The following ANO1 variants were observed in gnomAD, a reference collection of about 807,000 sequenced individuals.
ANO1 encodes anoctamin-1.
In ANO1, 59 loss-of-function variants were observed where a neutral mutation model predicts 124.0. That is an observed-to-expected ratio of 0.48 (90% CI 0.39 to 0.59). The LOEUF is 0.59. ANO1 is among the 20% of genes least tolerant of loss of function. The pLI, the probability that ANO1 is intolerant of heterozygous loss-of-function variation, is 0.00. For missense variants in ANO1, 1,059 were observed against 1,328.0 expected (o/e 0.80, Z 3.15); for synonymous variants, 529 against 532.0 (o/e 0.99, Z 0.08).
intron 20 of ANO1, among the ~76,000 whole-genome samples, chr11:70,166,407 C>G (rs1469535751): frequency 6.6e-6 from 1 of 152,242 alleles, no homozygotes; most frequent in Non-Finnish European, 1.5e-5. Flanking sequence ...TGACACCCCA[C>G]TCCCCATGCT....
At chr11:70,157,850 C>T (rs2047879623) in intron 16 of ANO1, among the ~76,000 whole-genome samples, 1 of 151,778 alleles carries the variant, frequency 6.6e-6, no homozygotes, top group Non-Finnish European at 1.5e-5. Flanking sequence ...CGTGGTCGTG[C>T]GCGCCTGTGG....
chr11:70,062,996 C>A (rs1475003346), intron 1 of ANO1, among the ~76,000 whole-genome samples: 9 of 152,132 alleles, frequency 5.9e-5, no homozygotes, highest in Non-Finnish European at 1.2e-4. Context: ...GTGGTGCAAT[C>A]TCGGCTCACT....
the ANO1 span, among the ~76,000 whole-genome samples, chr11:69,976,525 A>T: frequency 4.7e-5 from 1 of 21,404 alleles, no homozygotes; most frequent in Non-Finnish European, 1.4e-4. Flanking sequence ...AAAAAAAAAA[A>T]AAAAAAAAAA....
chr11:70,147,635 G>A (rs777925787), intron 11 of ANO1, among the ~76,000 whole-genome samples: 3 of 152,224 alleles, frequency 2.0e-5, no homozygotes, highest in Non-Finnish European at 4.4e-5. Context: ...CAGAAGGTGG[G>A]AGGAAGGGAG....
chr11:69,994,734 T>A (rs1199001240), intron 1 of ANO1, among the ~76,000 whole-genome samples: 1 of 152,196 alleles, frequency 6.6e-6, no homozygotes, highest in African/African-American at 2.4e-5. Flanking sequence ...TCAGCTTGCA[T>A]GTTACATTTC....
chr11:70,085,532 C>A (rs1453140415), intron 1 of ANO1: 15 of 1,535,966 alleles, frequency 9.8e-6, no homozygotes, highest in Non-Finnish European at 1.3e-5. Flanking sequence ...CTGACCAGGC[C>A]CTCCCAGGTG....
At chr11:70,142,774 A>T (rs2047205723) in intron 11 of ANO1, among the ~76,000 whole-genome samples, 1 of 152,126 alleles carries the variant, frequency 6.6e-6, no homozygotes, top group Non-Finnish European at 1.5e-5. Context: ...GTGCCAGCTG[A>T]TTTGGCCCAC....
At chr11:69,976,719 T>C in the ANO1 span, among the ~76,000 whole-genome samples, 2 of 151,954 alleles carry the variant, frequency 1.3e-5, no homozygotes, top group Non-Finnish European at 2.9e-5. Flanking sequence ...TCTAAGACAA[T>C]GTCTATGGTT....
chr11:70,159,636 G>A (rs2047967182), intron 16 of ANO1, among the ~76,000 whole-genome samples: 1 of 152,224 alleles, frequency 6.6e-6, no homozygotes, highest in African/African-American at 2.4e-5. Context: ...GAGACTGGAA[G>A]GGAGCCTGCT....
At chr11:70,049,640 G>A (rs906232441) in intron 1 of ANO1, among the ~76,000 whole-genome samples, 2 of 152,238 alleles carry the variant, frequency 1.3e-5, no homozygotes, top group South Asian at 2.1e-4. Flanking sequence ...GAACGAATAA[G>A]TAAGCAATAT....
At chr11:70,166,267 G>A (rs552229854) in intron 20 of ANO1, among the ~76,000 whole-genome samples, 46 of 152,194 alleles carry the variant, frequency 3.0e-4, no homozygotes, top group South Asian at 8.3e-4. Flanking sequence ...GCAGTGAGCC[G>A]AGATCGCACC....
chr11:70,000,197 T>G (rs1297091832), intron 1 of ANO1, among the ~76,000 whole-genome samples: 1 of 152,096 alleles, frequency 6.6e-6, no homozygotes, highest in African/African-American at 2.4e-5. Flanking sequence ...ACGGAGAGGT[T>G]TTCTTTTTGC....
Position 70,180,066 on chromosome 11 carries a change from A to T in ANO1, c.2403+10A>T. ...TGCTGTCATCATCAATGTAAGTGAC[A>T]TCAGGGACCTTGGCAGAATGGAAGT... On this transcript the variant is annotated intron_variant, in intron 23 of 25. Coordinates refer to ENST00000355303, the MANE Select transcript of ANO1 (RefSeq NM_018043.7). 1 of 1,611,146 alleles carries T rather than the reference A, an allele frequency of 6.2e-7. No individual in the cohort carries two copies. The highest frequency in any genetic ancestry group is 8.5e-7 in the Non-Finnish European group (1 of 1,177,450).
intron 11 of ANO1, among the ~76,000 whole-genome samples, chr11:70,149,019 T>C (rs2047485564): frequency 6.6e-6 from 1 of 152,166 alleles, no homozygotes; most frequent in African/African-American, 2.4e-5. Flanking sequence ...CAGCTGCCAG[T>C]GCGATTCAGC....
intron 23 of ANO1, 131 bp from the exon 24 acceptor site, chr11:70,182,371 C>A: frequency 1.4e-6 from 1 of 698,932 alleles, no homozygotes; most frequent in Non-Finnish European, 2.2e-6. Flanking sequence ...GGCTGTGCGG[C>A]TATGGTCCCC....
At chr11:70,106,737 A>C (rs766309161) in intron 5 of ANO1, among the ~76,000 whole-genome samples, 6 of 152,246 alleles carry the variant, frequency 3.9e-5, no homozygotes, top group Non-Finnish European at 7.3e-5. Flanking sequence ...AACAGCCTGC[A>C]GGGTTGGCTG....
At chr11:70,097,154 A>G (rs964747071) in intron 2 of ANO1, among the ~76,000 whole-genome samples, 4 of 152,180 alleles carry the variant, frequency 2.6e-5, no homozygotes, top group Non-Finnish European at 5.9e-5. Context: ...ACAAGACATC[A>G]CTGAGCAGGC....
At chr11:70,037,125 A>G (rs1473695037) in intron 1 of ANO1, among the ~76,000 whole-genome samples, 1 of 152,140 alleles carries the variant, frequency 6.6e-6, no homozygotes, top group Non-Finnish European at 1.5e-5. Context: ...CCCTGCCTTC[A>G]AGAGGTACAC....
At chr11:70,101,907 C>G (rs574751027) in intron 2 of ANO1, among the ~76,000 whole-genome samples, 1 of 152,184 alleles carries the variant, frequency 6.6e-6, no homozygotes, top group Non-Finnish European at 1.5e-5. Flanking sequence ...AGGACCAAGG[C>G]CCCCACTGCC....
Sources: gnomAD v4.1 joint callset for allele counts (sites outside exome capture counted in the v4.1 genomes callset) on GRCh38, gnomAD v4.1.1 for gene constraint, MANE v1.5 for transcripts, NCBI Gene and HGNC (gene_info 2026-07-23, HGNC 2026-07-21) for gene names.